GFRA1: variants seen among roughly 807,000 people sequenced by gnomAD.
GFRA1 encodes the protein GDNF family receptor alpha-1.
GFRA1 carries 16 observed loss-of-function variants against 51.6 expected under a neutral mutation model. The observed-to-expected ratio is 0.31, with a 90% CI of 0.21 to 0.47. The LOEUF (loss-of-function observed/expected upper bound fraction) is 0.47, where lower values mean the gene tolerates loss of function less well. GFRA1 is among the 20% of genes least tolerant of loss of function. GFRA1 has a pLI of 1.00. For synonymous variants in GFRA1, 270 were observed against 241.3 expected (o/e 1.12, Z -1.10); for missense variants, 530 against 594.3 (o/e 0.89, Z 1.13).
intron 5 of GFRA1, among the ~76,000 whole-genome samples, chr10:116,169,998 C>T (rs981051622): frequency 2.6e-5 from 4 of 152,136 alleles, no homozygotes; most frequent in African/African-American, 9.7e-5. Flanking sequence ...AGGCACTCGC[C>T]CCAGCTCCTG....
chr10:116,072,756 A>G (rs1589763809), intron 9 of GFRA1, among the ~76,000 whole-genome samples: 1 of 152,084 alleles, frequency 6.6e-6, no homozygotes, highest in Admixed American at 6.6e-5. Context: ...GATAGACTCC[A>G]TCTCAAAACA....
At chr10:116,087,128 C>G (rs994020015) in intron 9 of GFRA1, among the ~76,000 whole-genome samples, 2 of 152,190 alleles carry the variant, frequency 1.3e-5, no homozygotes, top group Non-Finnish European at 2.9e-5. Flanking sequence ...GGGAATAGAG[C>G]GCCTGTGTTC....
intron 6 of GFRA1, among the ~76,000 whole-genome samples, chr10:116,102,736 T>C (rs1298423783): frequency 6.6e-6 from 1 of 152,178 alleles, no homozygotes; most frequent in Non-Finnish European, 1.5e-5. Flanking sequence ...ACTGCCCCCA[T>C]GATTCAATTA....
At position 116,132,634 on chromosome 10, in the gene GFRA1, T is replaced by A. The variant is rs147637894; in HGVS notation, c.434-7077A>T. Reference sequence around the variant, plus strand: ...CCTCCAGCTCTCTCCGGGGCCCTGATACTGCGGATCCTACTGCAATGAAGT... The same window carrying A: ...CCTCCAGCTCTCTCCGGGGCCCTGAAACTGCGGATCCTACTGCAATGAAGT... On this transcript the variant is annotated intron_variant, in intron 5 of 10. Coordinates refer to ENST00000355422, the MANE Select transcript of GFRA1 (RefSeq NM_005264.8). 4.6e-5 allele frequency among the ~76,000 whole-genome samples: 7 copies of A among 152,112 alleles called. No homozygotes were observed. The East Asian group carries it at 1.4e-3, about 30-fold the overall frequency.
At chr10:116,214,581 A>AAGCTC (rs1965432343) in intron 4 of GFRA1, among the ~76,000 whole-genome samples, 1 of 152,270 alleles carries the variant, frequency 6.6e-6, no homozygotes, top group Admixed American at 6.5e-5. Context: ...TGAAGCACAA[A>AAGCTC]AGCTCATCAC....
At chr10:116,236,359 A>C (rs1369474047) in intron 4 of GFRA1, among the ~76,000 whole-genome samples, 1 of 152,140 alleles carries the variant, frequency 6.6e-6, no homozygotes, top group East Asian at 1.9e-4. Flanking sequence ...CTGAGGTGGA[A>C]AATTTCCCCT....
At chr10:116,188,264 G>C (rs1182451489) in intron 5 of GFRA1, among the ~76,000 whole-genome samples, 1 of 152,162 alleles carries the variant, frequency 6.6e-6, no homozygotes, top group Non-Finnish European at 1.5e-5. Flanking sequence ...AGGGTTCGGA[G>C]GAATGAGGAC....
At chr10:116,231,178 T>C (rs1364320015) in intron 4 of GFRA1, among the ~76,000 whole-genome samples, 1 of 152,180 alleles carries the variant, frequency 6.6e-6, no homozygotes, top group African/African-American at 2.4e-5. Flanking sequence ...GATGCAGGGA[T>C]TGGCAGGGGC....
Position 116,096,645 on chromosome 10 carries a change from C to T in GFRA1, c.880+10G>A, listed in dbSNP as rs559548049. ...CACTCTTCTCCCATCCTGCTTCTCT[C>T]GGATCTTACCAATAAGCCCCGAGTA... On this transcript the variant is annotated intron_variant, in intron 7 of 10. Transcript: ENST00000355422. The T allele has an allele frequency of 5.4e-5, 80 of 1,471,418 alleles. 1 individual carries two copies. In the East Asian group the frequency reaches 1.2e-3, roughly 22 times the overall value. The allele number at this position is 1,471,418 out of a possible 1,614,324, so 91.1% of individuals were successfully genotyped here.
intron 9 of GFRA1, among the ~76,000 whole-genome samples, chr10:116,088,171 G>A (rs780212712): frequency 1.2e-4 from 18 of 152,104 alleles, no homozygotes; most frequent in Non-Finnish European, 2.5e-4. Flanking sequence ...GAGGGGTCTC[G>A]AGATACCAAG....
At chr10:116,201,694 C>T (rs1589867962) in intron 5 of GFRA1, among the ~76,000 whole-genome samples, 1 of 152,102 alleles carries the variant, frequency 6.6e-6, no homozygotes, top group Non-Finnish European at 1.5e-5. Context: ...CCAGTGAAAC[C>T]GTTGGTGCTT....
intron 4 of GFRA1, among the ~76,000 whole-genome samples, chr10:116,219,685 G>A (rs1368964669): frequency 2.0e-5 from 3 of 152,098 alleles, no homozygotes; most frequent in South Asian, 2.1e-4. Context: ...ATATTAATTG[G>A]AGTATTAATT....
At chr10:116,080,829 T>C (rs1477157656) in intron 9 of GFRA1, among the ~76,000 whole-genome samples, 1 of 152,312 alleles carries the variant, frequency 6.6e-6, no homozygotes, top group South Asian at 2.1e-4. Flanking sequence ...GGAGGAGGGC[T>C]GAAGACAGCC....
chr10:116,203,765 G>A (rs550194664), intron 5 of GFRA1, among the ~76,000 whole-genome samples: 1 of 152,348 alleles, frequency 6.6e-6, no homozygotes, highest in South Asian at 2.1e-4. Context: ...GGTACAGAGG[G>A]TTTAAGCATT....
intron 6 of GFRA1, among the ~76,000 whole-genome samples, chr10:116,123,931 C>T (rs1015221484): frequency 2.6e-5 from 4 of 152,154 alleles, no homozygotes; most frequent in African/African-American, 4.8e-5. Flanking sequence ...TGTTTTGAGA[C>T]AGGGTCTCAC....
At chr10:116,096,120 A>G (rs925353282) in intron 7 of GFRA1, among the ~76,000 whole-genome samples, 4 of 152,188 alleles carry the variant, frequency 2.6e-5, no homozygotes, top group African/African-American at 9.7e-5. Flanking sequence ...TTTTCAGGAA[A>G]AAAAATTTAG....
rs760598398 is a variant in GFRA1 at position 116,271,102 on chromosome 10, C to A, written c.54G>T (p.Ser18=). 8.1e-6 allele frequency: 13 copies of A among 1,606,032 alleles called. No homozygotes were observed. The highest frequency in any genetic ancestry group is 1.1e-5 in the Non-Finnish European group (13 of 1,173,546). ...GGCGGTCTCCGCCGCTCACTTCGGC[C>A]GACAGGAGCAAGTCTGCGGGGCAGA... ...FALPLLDLLL[S]AEVSGGDRLD... is the part of the protein sequence containing the mutation. The change falls in exon 3 of 11, where the codon TCG becomes TCT. Residue 18 remains serine, a synonymous_variant. Coordinates refer to ENST00000355422, the MANE Select transcript of GFRA1 (RefSeq NM_005264.8).
intron 5 of GFRA1, among the ~76,000 whole-genome samples, chr10:116,194,291 C>G (rs1963544141): frequency 6.6e-6 from 1 of 152,004 alleles, no homozygotes; most frequent in Admixed American, 6.6e-5. Flanking sequence ...AAAAATAACC[C>G]ATGAATTCTT....
intron 5 of GFRA1, among the ~76,000 whole-genome samples, chr10:116,191,453 G>C (rs866240579): frequency 6.6e-6 from 1 of 152,026 alleles, no homozygotes; most frequent in African/African-American, 2.4e-5. Flanking sequence ...TTTGTCACCA[G>C]GCAATAAACT....
Sources: allele counts gnomAD v4.1 joint callset (sites outside exome capture counted in the v4.1 genomes callset), GRCh38; gene constraint gnomAD v4.1.1; transcripts MANE v1.5; gene names NCBI Gene and HGNC (gene_info 2026-07-23, HGNC 2026-07-21).